WDR49: variants seen among roughly 807,000 people sequenced by gnomAD.
WDR49 encodes the protein WD repeat domain 49, also known as cilia- and flagella-associated protein 337.
A neutral mutation model predicts 119.5 loss-of-function variants in WDR49; 107 were observed. The ratio of observed to expected loss-of-function variants is 0.90; its 90% CI spans 0.77 to 1.05. The LOEUF is 1.05. Among genes scored for constraint, WDR49 ranks in the 50% least tolerant of loss-of-function variants. The pLI is 0.00. For synonymous variants in WDR49, 425 were observed against 418.8 expected (o/e 1.01, Z -0.18); for missense variants, 1,240 against 1,220.5 (o/e 1.02, Z -0.24).
chr3:167,557,595 T>C (rs1053200047), intron 9 of WDR49, among the ~76,000 whole-genome samples: 1 of 151,824 alleles, frequency 6.6e-6, no homozygotes, highest in African/African-American at 2.4e-5. Context: ...CTACTAAAAA[T>C]ACAAAAAATT....
rs575606572 is a variant in WDR49, at chr3:167,549,911, T to C, written c.1823+4739A>G. On this transcript the variant is annotated intron_variant, in intron 10 of 18. Transcript: ENST00000682715. ...GGATCCAGTTTCAGCTTTCTACATA[T>C]GGCTAGCCAGTTTTCCCAGCACCAT... is the stretch of plus-strand genomic sequence containing the variant. Among the ~76,000 whole-genome samples the C allele has an allele frequency of 2.0e-5, 3 of 152,318 alleles. No homozygotes were observed. The East Asian group carries it at 5.8e-4, about 29-fold the overall frequency.
At chr3:167,527,789 T>G (rs1232233810) in intron 15 of WDR49, 31 bp downstream of exon 15, 1 of 1,596,012 alleles carries the variant, frequency 6.3e-7, no homozygotes, top group South Asian at 1.1e-5. Context: ...GTCAAGTAAA[T>G]ACTAGAATAA....
intron 2 of WDR49, among the ~76,000 whole-genome samples, chr3:167,644,877 C>A (rs564532895): frequency 6.6e-6 from 1 of 152,010 alleles, no homozygotes; most frequent in Non-Finnish European, 1.5e-5. Flanking sequence ...ATAAAAAGAA[C>A]GTCTTCTTTC....
chr3:167,592,846 G>A (rs1715210676), intron 7 of WDR49, among the ~76,000 whole-genome samples: 1 of 152,034 alleles, frequency 6.6e-6, no homozygotes, highest in Non-Finnish European at 1.5e-5. Flanking sequence ...TTGTTTGTCT[G>A]GTAAGGTCTT....
In WDR49 at chr3:167,527,982, G is replaced by T; in HGVS notation, c.2442C>A (p.Thr814=). Residue 814 remains threonine, a synonymous_variant, in exon 15 of 19, where the codon ACC becomes ACA. Transcript: ENST00000682715. ...ATGATCTTATCAGAGTTGGGGCCTT[G>T]GTGATTTTGTTCTTACTGGAGTTAA... ...YCLNSSKNKI[T]KAPTLIRSFQ... is the part of the protein sequence containing the mutation. 2 of 1,612,974 alleles carry T rather than the reference G, an allele frequency of 1.2e-6. No individual in the cohort carries two copies. The highest frequency in any genetic ancestry group is 1.7e-6 in the Non-Finnish European group (2 of 1,179,450).
intron 10 of WDR49, among the ~76,000 whole-genome samples, chr3:167,543,939 A>C (rs1044226505): frequency 5.3e-5 from 8 of 151,908 alleles, no homozygotes; most frequent in Non-Finnish European, 1.0e-4. Context: ...CTCCTAGATC[A>C]GATAAATGAA....
intron 16 of WDR49, among the ~76,000 whole-genome samples, chr3:167,506,131 T>A (rs1751760360): frequency 1.3e-5 from 2 of 152,182 alleles, no homozygotes; most frequent in African/African-American, 4.8e-5. Flanking sequence ...TGGAGAGTCC[T>A]GGGGATCTTG....
intron 8 of WDR49, 58 bp downstream of exon 8, chr3:167,575,860 A>G: frequency 1.3e-6 from 2 of 1,545,680 alleles, no homozygotes; most frequent in Non-Finnish European, 1.8e-6. Context: ...AATTAAGTAA[A>G]TGAGCCTCTG....
intron 16 of WDR49, among the ~76,000 whole-genome samples, chr3:167,518,284 T>C (rs1752296602): frequency 1.3e-5 from 2 of 151,788 alleles, no homozygotes; most frequent in Non-Finnish European, 2.9e-5. Context: ...GTATTTCTAG[T>C]TCTAGATCCC....
At chr3:167,521,988 A>AGATG (rs1491260851) in intron 16 of WDR49, among the ~76,000 whole-genome samples, 2 of 138,392 alleles carry the variant, frequency 1.4e-5, no homozygotes, top group South Asian at 5.1e-4. Context: ...ATAGATAGAT[A>AGATG]GATAGATAGA....
chr3:167,607,097 C>G (rs1560310445), intron 5 of WDR49, among the ~76,000 whole-genome samples: 1 of 152,264 alleles, frequency 6.6e-6, no homozygotes, highest in East Asian at 1.9e-4. Context: ...ATACGGCATT[C>G]CTTTCTCCTG....
At chr3:167,568,999 G>T (rs988064924) in intron 8 of WDR49, among the ~76,000 whole-genome samples, 2 of 151,874 alleles carry the variant, frequency 1.3e-5, no homozygotes, top group Non-Finnish European at 2.9e-5. Context: ...TTGGAGTGCG[G>T]TGGTGCTATC....
At chr3:167,615,653 T>G (rs1318479115) in intron 5 of WDR49, among the ~76,000 whole-genome samples, 1 of 152,002 alleles carries the variant, frequency 6.6e-6, no homozygotes, top group Non-Finnish European at 1.5e-5. Flanking sequence ...AATTATTAAT[T>G]AGAGACACAA....
intron 5 of WDR49, among the ~76,000 whole-genome samples, chr3:167,612,701 T>C (rs949719794): frequency 1.3e-5 from 2 of 152,042 alleles, no homozygotes; most frequent in African/African-American, 2.4e-5. Flanking sequence ...TGCCAATAAG[T>C]TGGCAAATCA....
chr3:167,576,824 A>G (rs1033713334), intron 7 of WDR49, among the ~76,000 whole-genome samples: 2 of 152,168 alleles, frequency 1.3e-5, no homozygotes, highest in African/African-American at 4.8e-5. Context: ...TACACTAGCA[A>G]TAGAAAACTA....
chr3:167,540,780 G>A (rs76565938), intron 10 of WDR49, among the ~76,000 whole-genome samples: 4,033 of 151,834 alleles, frequency 0.027, 83 homozygotes, highest in South Asian at 0.045. Context: ...AAACTGAAAA[G>A]CAATGAAAAG....
chr3:167,634,682 A>T (rs1414191129), intron 2 of WDR49, among the ~76,000 whole-genome samples: 1 of 151,238 alleles, frequency 6.6e-6, no homozygotes, highest in Non-Finnish European at 1.5e-5. Context: ...GCAAAACTTT[A>T]AAAAAAAACC....
At chr3:167,488,659 A>G (rs1283433612) in intron 18 of WDR49, among the ~76,000 whole-genome samples, 2 of 152,146 alleles carry the variant, frequency 1.3e-5, no homozygotes, top group Non-Finnish European at 2.9e-5. Flanking sequence ...CTTATTTAGA[A>G]TCCTGGACAG....
intron 16 of WDR49, among the ~76,000 whole-genome samples, chr3:167,520,322 A>G (rs1304389788): frequency 6.6e-6 from 1 of 152,144 alleles, no homozygotes; most frequent in African/African-American, 2.4e-5. Flanking sequence ...AAATACTCTT[A>G]AACAGGAATC....
Sources: gnomAD v4.1 joint callset for allele counts (sites outside exome capture counted in the v4.1 genomes callset) on GRCh38, gnomAD v4.1.1 for gene constraint, MANE v1.5 for transcripts, NCBI Gene and HGNC (gene_info 2026-07-23, HGNC 2026-07-21) for gene names.